CAMKK2: variants seen among roughly 807,000 people sequenced by gnomAD.
The protein encoded by CAMKK2 is calcium/calmodulin dependent protein kinase kinase 2.
CAMKK2 carries 30 observed loss-of-function variants against 67.2 expected under a neutral mutation model. The observed-to-expected ratio is 0.45, with a 90% CI of 0.33 to 0.61. The LOEUF (loss-of-function observed/expected upper bound fraction) is 0.61, where lower values mean the gene tolerates loss of function less well. CAMKK2 is among the 20% of genes least tolerant of loss of function. The pLI is 0.02. For synonymous variants in CAMKK2, 322 were observed against 326.2 expected (o/e 0.99, Z 0.14); for missense variants, 643 against 802.0 (o/e 0.80, Z 2.39).
At chr12:121,247,250 A>G (rs1333153840) in intron 14 of CAMKK2, among the ~76,000 whole-genome samples, 1 of 151,902 alleles carries the variant, frequency 6.6e-6, no homozygotes, top group Admixed American at 6.6e-5. Context: ...TGCACTGTAC[A>G]TACATTTGTT....
intron 16 of CAMKK2, among the ~76,000 whole-genome samples, chr12:121,242,351 AAAAGAAAGAAAG>A (rs368398056): frequency 1.1e-4 from 17 of 151,538 alleles, no homozygotes; most frequent in East Asian, 3.9e-4. Context: ...TCAAAAAAAA[AAAAGAAAGAAAG>A]AAAGAAAGAA....
intron 16 of CAMKK2, among the ~76,000 whole-genome samples, chr12:121,241,573 C>T (rs1180795735): frequency 6.6e-6 from 1 of 152,230 alleles, no homozygotes; most frequent in Non-Finnish European, 1.5e-5. Context: ...ATCCCCGAGC[C>T]TATCCCCTCA....
At position 121,238,421 on chromosome 12, in the gene CAMKK2, C is replaced by T. The variant is rs201200453; in HGVS notation, c.*2278G>A. 6 of 152,604 alleles carry T rather than the reference C, an allele frequency of 3.9e-5. No individual in the cohort carries two copies. Among genetic ancestry groups the T allele is most frequent in the Non-Finnish European group, 5.9e-5 (4 of 68,064 alleles). The allele number at this position is 152,604 out of a possible 1,614,324, so 9.5% of individuals were successfully genotyped here. On this transcript the variant is annotated 3_prime_UTR_variant, in exon 17 of 17. Coordinates refer to ENST00000404169, the MANE Select transcript of CAMKK2 (RefSeq NM_001270485.2). ...AGCTGCTCATAACAGCACCTCCTTT[C>T]CTGACAGAGCTGGCTTTTGAAAAAT...
chr12:121,260,560 C>A, intron 6 of CAMKK2: 1 of 585,702 alleles, frequency 1.7e-6, no homozygotes, highest in Non-Finnish European at 3.0e-6. Flanking sequence ...AAAATAAATG[C>A]CTCTCTGTCT....
chr12:121,273,304 C>T (rs957520263), intron 2 of CAMKK2, among the ~76,000 whole-genome samples: 7 of 151,646 alleles, frequency 4.6e-5, no homozygotes, highest in East Asian at 1.9e-4. Flanking sequence ...GAAGGAACAG[C>T]GAGAGTACAG....
At chr12:121,260,173 T>G (rs1893147890) in intron 7 of CAMKK2, 146 bp downstream of exon 7, 1 of 644,578 alleles carries the variant, frequency 1.6e-6, no homozygotes, top group Admixed American at 3.4e-5. Context: ...ACCAGGGGTG[T>G]GGCCTCCGGT....
intron 11 of CAMKK2, among the ~76,000 whole-genome samples, 168 bp from the exon 12 acceptor site, chr12:121,250,202 G>C (rs1890391067): frequency 2.0e-5 from 3 of 151,958 alleles, no homozygotes; most frequent in African/African-American, 7.3e-5. Context: ...CCAAGACACA[G>C]GGGTGTGGGG....
At chr12:121,260,596 G>GA in intron 6 of CAMKK2, 1 of 521,078 alleles carries the variant, frequency 1.9e-6, no homozygotes, top group African/African-American at 2.2e-5. Flanking sequence ...GAACACTCAG[G>GA]AGGTCGCAAA....
rs138531168 is a variant in CAMKK2 at position 121,272,088 on chromosome 12, G to A, written c.472-1143C>T. Among the ~76,000 whole-genome samples the A allele has an allele frequency of 6.5e-3, 985 of 152,204 alleles. 9 individuals carry two copies. The highest frequency in any genetic ancestry group is 0.023 in the African/African-American group (959 of 41,526). ...ACTCCTGGTCTTAAGTGATCCTCCC[G>A]CCTCAGTCTCCCAAGTAGCTGGGAT... On this transcript the variant is annotated intron_variant, in intron 2 of 16. Transcript: ENST00000404169.
At chr12:121,243,306 C>T (rs985214382) in intron 16 of CAMKK2, among the ~76,000 whole-genome samples, 1 of 151,936 alleles carries the variant, frequency 6.6e-6, no homozygotes, top group African/African-American at 2.4e-5. Context: ...GCTGGGATTA[C>T]AGGCGTGAGC....
Position 121,245,004 on chromosome 12 carries a change from C to T in CAMKK2, c.1553+136G>A, listed in dbSNP as rs142614788. 4.5e-3 allele frequency: 2,914 copies of T among 641,868 alleles called. 18 individuals carry two copies. Among genetic ancestry groups the T allele is most frequent in the Non-Finnish European group, 6.3e-3 (2,275 of 361,246 alleles). 39.8% of individuals were successfully genotyped at this position (641,868 alleles called of 1,614,324 possible). On this transcript the variant is annotated intron_variant, in intron 15 of 16. Coordinates refer to ENST00000404169, the MANE Select transcript of CAMKK2 (RefSeq NM_001270485.2). The surrounding 1 kb of genome is among the most constrained non-coding windows in gnomAD (Gnocchi z 5.8). ...TTGGGGTGCTGACTGTCCCAGTGCA[C>T]CAGGTGGGTTTCATCTGAGTCTCTC...
At chr12:121,268,792 C>A in intron 4 of CAMKK2, 103 bp from the exon 5 acceptor site, 1 of 1,081,954 alleles carries the variant, frequency 9.2e-7, no homozygotes. Flanking sequence ...CCAAAGCCGG[C>A]CCAAGCTCCT....
chr12:121,272,735 A>G (rs1896014137), intron 2 of CAMKK2, among the ~76,000 whole-genome samples: 1 of 150,456 alleles, frequency 6.6e-6, no homozygotes, highest in Non-Finnish European at 1.5e-5. Context: ...TTAACTGGGC[A>G]TGGTGGTGCA....
At chr12:121,265,340 T>C (rs1005889516) in intron 5 of CAMKK2, among the ~76,000 whole-genome samples, 3 of 147,110 alleles carry the variant, frequency 2.0e-5, no homozygotes. Flanking sequence ...ACACGCGTCA[T>C]ATAGCTGGAG....
intron 1 of CAMKK2, among the ~76,000 whole-genome samples, chr12:121,284,582 C>T (rs1478845423): frequency 6.6e-6 from 1 of 152,188 alleles, no homozygotes; most frequent in Non-Finnish European, 1.5e-5. Context: ...GCCTTGGCCT[C>T]CCAAAGTGCT....
intron 5 of CAMKK2, among the ~76,000 whole-genome samples, chr12:121,268,083 C>CATATATATATATAT (rs71850101): frequency 0.033 from 3,242 of 96,932 alleles, 331 homozygotes; most frequent in African/African-American, 0.12. Context: ...CCATTGGATG[C>CATATATATATATAT]ATATATATAT....
At chr12:121,243,077 A>C (rs1168914123) in intron 16 of CAMKK2, among the ~76,000 whole-genome samples, 5 of 144,134 alleles carry the variant, frequency 3.5e-5, no homozygotes, top group Non-Finnish European at 7.5e-5. Context: ...CTTGTTGCCC[A>C]GGCTGGAGTG....
intron 1 of CAMKK2, among the ~76,000 whole-genome samples, chr12:121,278,850 G>T (rs2136495180): frequency 6.6e-6 from 1 of 152,304 alleles, no homozygotes; most frequent in Admixed American, 6.5e-5. Flanking sequence ...CCTATGCTCT[G>T]GAATGTTCCC....
intron 1 of CAMKK2, among the ~76,000 whole-genome samples, chr12:121,288,303 C>T (rs139463106): frequency 2.3e-3 from 344 of 152,292 alleles, no homozygotes; most frequent in East Asian, 0.021. Context: ...GGCATCGGTG[C>T]CTGGGCTACC....
Sources: allele counts gnomAD v4.1 joint callset (sites outside exome capture counted in the v4.1 genomes callset), GRCh38; gene constraint gnomAD v4.1.1; non-coding constraint Gnocchi (gnomAD v3.1); transcripts MANE v1.5; gene names NCBI Gene and HGNC (gene_info 2026-07-23, HGNC 2026-07-21).